UVRAG: variants seen among roughly 807,000 people sequenced by gnomAD.
UVRAG encodes the protein UV radiation resistance-associated gene protein.
Under a neutral mutation model 78.0 loss-of-function variants are expected in UVRAG, and 19 were observed. That is an observed-to-expected ratio of 0.24 (90% confidence interval 0.17 to 0.36). UVRAG has a LOEUF of 0.36. UVRAG is among the 10% of genes least tolerant of loss of function. UVRAG has a pLI of 1.00. For missense variants in UVRAG, 740 were observed against 853.8 expected, an observed-to-expected ratio of 0.87 and a Z score of 1.66; for synonymous variants, 323 against 324.6, an observed-to-expected ratio of 1.00 and a Z score of 0.05.
At chr11:75,886,249 G>C (rs1020734623) in intron 4 of UVRAG, among the ~76,000 whole-genome samples, 1 of 152,052 alleles carries the variant, frequency 6.6e-6, no homozygotes, top group Non-Finnish European at 1.5e-5. Context: ...TACACTTTGA[G>C]AACTTTACCT....
At chr11:76,095,090 G>T (rs1004749377) in intron 13 of UVRAG, among the ~76,000 whole-genome samples, 2 of 152,102 alleles carry the variant, frequency 1.3e-5, no homozygotes, top group African/African-American at 2.4e-5. Flanking sequence ...TGTACCTGAC[G>T]GTTCCCTCTC....
In UVRAG at chr11:76,043,307, T is replaced by G. The variant is rs561676910; in HGVS notation, c.1227-22403T>G. Among the ~76,000 whole-genome samples the G allele has an allele frequency of 2.0e-5, 3 of 152,296 alleles. No homozygotes were observed. The South Asian group carries it at 6.2e-4, about 32-fold the overall frequency. On this transcript the variant is annotated intron_variant, in intron 12 of 14. Coordinates refer to ENST00000356136, the MANE Select transcript of UVRAG (RefSeq NM_003369.4). ...GGAACAAAAATGAGGGAGTGATTAT[T>G]TTAAGTTGAGGGGCAACTGGGAAAT...
chr11:75,886,745 T>A (rs1226535437), intron 4 of UVRAG, among the ~76,000 whole-genome samples: 2 of 152,226 alleles, frequency 1.3e-5, no homozygotes, highest in East Asian at 3.8e-4. Flanking sequence ...TGCTGCTGGC[T>A]TTGACTATTT....
intron 12 of UVRAG, among the ~76,000 whole-genome samples, chr11:76,058,255 G>A (rs1278283002): frequency 6.6e-6 from 1 of 152,060 alleles, no homozygotes; most frequent in Non-Finnish European, 1.5e-5. Context: ...TTAGGTCCGG[G>A]CATGGTCACT....
At chr11:75,844,722 G>GT (rs1945998221) in intron 1 of UVRAG, among the ~76,000 whole-genome samples, 1 of 151,308 alleles carries the variant, frequency 6.6e-6, no homozygotes, top group Non-Finnish European at 1.5e-5. Context: ...GCCCAGTCTG[G>GT]AGTACAGTGG....
intron 13 of UVRAG, among the ~76,000 whole-genome samples, chr11:76,095,136 A>G (rs1951766181): frequency 6.6e-6 from 1 of 152,172 alleles, no homozygotes; most frequent in Non-Finnish European, 1.5e-5. Context: ...GTCAGGATGG[A>G]AAAAGAACTG....
chr11:76,015,248 T>A (rs1381708396), intron 11 of UVRAG, among the ~76,000 whole-genome samples: 1 of 152,176 alleles, frequency 6.6e-6, no homozygotes, highest in African/African-American at 2.4e-5. Context: ...AAACCTGTAG[T>A]CCCAGTTACT....
chr11:75,987,452 C>T (rs1949522134), intron 8 of UVRAG, among the ~76,000 whole-genome samples: 1 of 152,282 alleles, frequency 6.6e-6, no homozygotes, highest in East Asian at 1.9e-4. Flanking sequence ...TCTGTTTTTA[C>T]AGTCATCTCA....
intron 14 of UVRAG, among the ~76,000 whole-genome samples, chr11:76,117,033 A>C (rs930101125): frequency 6.6e-6 from 1 of 152,228 alleles, no homozygotes; most frequent in African/African-American, 2.4e-5. Context: ...GGATGCCTTC[A>C]GGAATATGAG....
At chr11:75,939,255 G>A (rs895540718) in intron 6 of UVRAG, among the ~76,000 whole-genome samples, 2 of 152,120 alleles carry the variant, frequency 1.3e-5, no homozygotes, top group African/African-American at 4.8e-5. Flanking sequence ...TGTAGTGTAA[G>A]GTGTGGACCA....
chr11:76,138,565 G>A (rs1952640992), intron 14 of UVRAG, among the ~76,000 whole-genome samples: 1 of 152,216 alleles, frequency 6.6e-6, no homozygotes, highest in Admixed American at 6.5e-5. Context: ...GCACTGCTGG[G>A]TGTGCCCCAG....
intron 13 of UVRAG, among the ~76,000 whole-genome samples, chr11:76,102,341 G>A (rs1292380974): frequency 6.6e-6 from 1 of 152,144 alleles, no homozygotes; most frequent in Non-Finnish European, 1.5e-5. Context: ...GGTGGCAATT[G>A]TGAATGGGAT....
At chr11:76,092,412 CA>C (rs1217648733) in intron 13 of UVRAG, among the ~76,000 whole-genome samples, 1 of 152,214 alleles carries the variant, frequency 6.6e-6, no homozygotes, top group Non-Finnish European at 1.5e-5. Context: ...GGAATCGCCA[CA>C]CTGTCTTCCA....
chr11:76,051,581 AT>A (rs1320171460), intron 12 of UVRAG, among the ~76,000 whole-genome samples: 1 of 152,122 alleles, frequency 6.6e-6, no homozygotes, highest in Non-Finnish European at 1.5e-5. Context: ...AGGGGGGATT[AT>A]TTTTAACCTT....
intron 14 of UVRAG, chr11:76,137,474 A>G: frequency 2.2e-6 from 1 of 456,260 alleles, no homozygotes; most frequent in Non-Finnish European, 4.4e-6. Flanking sequence ...TGTAATAAAA[A>G]TTTTTGAAAG....
chr11:76,036,228 C>T (rs954624113), intron 12 of UVRAG, among the ~76,000 whole-genome samples: 2 of 152,132 alleles, frequency 1.3e-5, no homozygotes, highest in African/African-American at 4.8e-5. Flanking sequence ...TTTATCCTCT[C>T]AACTAGCCAA....
At chr11:75,820,492 T>A (rs1307342576) in intron 1 of UVRAG, among the ~76,000 whole-genome samples, 1 of 152,060 alleles carries the variant, frequency 6.6e-6, no homozygotes, top group Non-Finnish European at 1.5e-5. Context: ...GTAGCTGGGA[T>A]TACAGGCATG....
intron 1 of UVRAG, among the ~76,000 whole-genome samples, chr11:75,820,182 T>C (rs1945354775): frequency 6.6e-6 from 1 of 152,078 alleles, no homozygotes; most frequent in Admixed American, 6.6e-5. Flanking sequence ...CTTGCTGTGT[T>C]GCCCAGGCTA....
intron 3 of UVRAG, among the ~76,000 whole-genome samples, chr11:75,878,942 C>T (rs1344631440): frequency 3.4e-5 from 5 of 148,984 alleles, no homozygotes; most frequent in Non-Finnish European, 5.9e-5. Flanking sequence ...AGAGGGAGAC[C>T]CCCTTATGTT....
Sources: gnomAD v4.1 joint callset for allele counts (sites outside exome capture counted in the v4.1 genomes callset) on GRCh38, gnomAD v4.1.1 for gene constraint, MANE v1.5 for transcripts, NCBI Gene and HGNC (gene_info 2026-07-23, HGNC 2026-07-21) for gene names.